The following KCND3 variants were observed in gnomAD, a reference collection of about 807,000 sequenced individuals.
KCND3 encodes potassium voltage-gated channel subfamily D member 3, also known as A-type voltage-gated potassium channel KCND3.
Under a neutral mutation model 51.1 loss-of-function variants are expected in KCND3, and 9 were observed. The observed-to-expected ratio is 0.18, with a 90% confidence interval of 0.11 to 0.31. The LOEUF (loss-of-function observed/expected upper bound fraction) is 0.31, where lower values mean the gene tolerates loss of function less well. Ranked by LOEUF, KCND3 falls within the 10% of genes least tolerant of loss-of-function variation. The probability of loss-of-function intolerance (pLI) is 1.00; values close to 1 mark genes in which losing one functional copy is unlikely to be tolerated. For missense variants in KCND3, 526 were observed against 903.8 expected (o/e 0.58, Z 5.36); for synonymous variants, 349 against 368.0 (o/e 0.95, Z 0.59).
chr1:111,866,263 CTTTTTTT>C lies in KCND3; in HGVS notation c.1107-79164_1107-79158del, dbSNP rs11399761. On this transcript the variant is annotated intron_variant, in intron 2 of 7. Coordinates refer to ENST00000302127, the MANE Select transcript of KCND3 (RefSeq NM_001378969.1). ...CTTCTTTCTTTCTTTCTTTTCTTTT[CTTTTTTT>C]TTTTTTTTTTGACAAGGTCTGGCTC... Among the ~76,000 whole-genome samples the C allele has an allele frequency of 3.7e-4, 20 of 54,256 alleles. 1 individual carries two copies. Among genetic ancestry groups the C allele is most frequent in the African/African-American group, 8.3e-4 (18 of 21,788 alleles). 35.6% of individuals were successfully genotyped at this position (54,256 alleles called of 152,430 possible).
At chr1:111,821,970 A>G (rs1473184067) in intron 2 of KCND3, among the ~76,000 whole-genome samples, 1 of 151,998 alleles carries the variant, frequency 6.6e-6, no homozygotes, top group Non-Finnish European at 1.5e-5. Flanking sequence ...GGCAATTATA[A>G]GCAATACTCT....
At chr1:111,853,604 C>A (rs970587641) in intron 2 of KCND3, among the ~76,000 whole-genome samples, 1 of 152,206 alleles carries the variant, frequency 6.6e-6, no homozygotes, top group African/African-American at 2.4e-5. Context: ...TCATAACACT[C>A]ATTATCTTTT....
intron 2 of KCND3, among the ~76,000 whole-genome samples, chr1:111,855,014 C>T (rs1421376461): frequency 1.3e-5 from 2 of 152,200 alleles, no homozygotes; most frequent in African/African-American, 2.4e-5. Flanking sequence ...TCTGTGGCTT[C>T]GTCAGTCCTG....
intron 2 of KCND3, among the ~76,000 whole-genome samples, chr1:111,879,362 T>G (rs1226341496): frequency 6.6e-6 from 1 of 152,200 alleles, no homozygotes; most frequent in Non-Finnish European, 1.5e-5. Flanking sequence ...TCAAAGTGTT[T>G]ACATTCTTGC....
intron 2 of KCND3, among the ~76,000 whole-genome samples, chr1:111,806,498 T>G (rs567089369): frequency 6.6e-6 from 1 of 152,364 alleles, no homozygotes; most frequent in African/African-American, 2.4e-5. Flanking sequence ...TTTTAACCAT[T>G]GTTTTCTCAT....
rs1663889347 is a variant in KCND3, at chr1:111,770,903, C to A, written c.*5174G>T. The A allele has an allele frequency of 6.6e-6, 1 of 151,930 alleles. No homozygotes were observed. The highest frequency in any genetic ancestry group is 2.4e-5 in the African/African-American group (1 of 41,350). 9.4% of individuals were successfully genotyped at this position (151,930 alleles called of 1,614,324 possible). On this transcript the variant is annotated 3_prime_UTR_variant, in exon 8 of 8. Coordinates refer to ENST00000302127, the MANE Select transcript of KCND3 (RefSeq NM_001378969.1). The stretch of plus-strand genomic sequence containing the variant: ...GCCATTGTGATGTTGATAAGCAAAG[C>A]CCATTTATTATACGAAAATAGAAAA...
chr1:111,804,030 T>C (rs1051404743), intron 2 of KCND3, among the ~76,000 whole-genome samples: 4 of 152,196 alleles, frequency 2.6e-5, no homozygotes, highest in African/African-American at 9.7e-5. Context: ...ATAGCGCTTA[T>C]AGAAGGGCAG....
chr1:111,824,727 T>C (rs1012514480), intron 2 of KCND3, among the ~76,000 whole-genome samples: 1 of 152,244 alleles, frequency 6.6e-6, no homozygotes, highest in Non-Finnish European at 1.5e-5. Flanking sequence ...ACCAGATCAC[T>C]GCATCCAGAC....
At chr1:111,848,228 C>A (rs1177120148) in intron 2 of KCND3, among the ~76,000 whole-genome samples, 2 of 152,204 alleles carry the variant, frequency 1.3e-5, no homozygotes, top group Non-Finnish European at 2.9e-5. Flanking sequence ...GGATCTTGGG[C>A]ATGACAAAGG....
At chr1:111,899,146 G>T (rs1670264482) in intron 2 of KCND3, among the ~76,000 whole-genome samples, 1 of 152,034 alleles carries the variant, frequency 6.6e-6, no homozygotes, top group South Asian at 2.1e-4. Context: ...TGACTACAAG[G>T]GTCACTATCA....
At chr1:111,846,363 T>A (rs1197781778) in intron 2 of KCND3, among the ~76,000 whole-genome samples, 5 of 152,216 alleles carry the variant, frequency 3.3e-5, no homozygotes, top group Non-Finnish European at 7.3e-5. Context: ...TCTTCCCTGA[T>A]GTTACTTTCC....
chr1:111,988,370 CTT>C (rs1223790098), intron 1 of KCND3, among the ~76,000 whole-genome samples: 1 of 152,148 alleles, frequency 6.6e-6, no homozygotes, highest in African/African-American at 2.4e-5. Flanking sequence ...TTCCTGAACT[CTT>C]TTTCTCCAGC....
chr1:111,790,288 G>GC (rs1664773425), intron 2 of KCND3, among the ~76,000 whole-genome samples: 1 of 152,156 alleles, frequency 6.6e-6, no homozygotes, highest in Non-Finnish European at 1.5e-5. Context: ...CAGGGTTGTT[G>GC]CGATAATTAA....
Position 111,799,980 on chromosome 1 carries a change from G to A in KCND3, c.1107-12874C>T, listed in dbSNP as rs1021052621. On this transcript the variant is annotated intron_variant, in intron 2 of 7. Transcript: ENST00000302127. The stretch of plus-strand genomic sequence containing the variant: ...CGGGAGGTGAGGGGCGCCTCTGCCC[G>A]GCCGCCCCTACTGGGAAGTGAGGAG... Among the ~76,000 whole-genome samples, 49 of 151,946 alleles carry A rather than the reference G, an allele frequency of 3.2e-4. 1 individual carries two copies. The highest frequency in any genetic ancestry group is 6.5e-4 in the African/African-American group (27 of 41,364).
chr1:111,830,884 T>C (rs994878166), intron 2 of KCND3, among the ~76,000 whole-genome samples: 1 of 152,264 alleles, frequency 6.6e-6, no homozygotes, highest in Non-Finnish European at 1.5e-5. Context: ...ACCCTACATA[T>C]TCCACAGAAA....
chr1:111,881,731 G>T (rs1334473056), intron 2 of KCND3, among the ~76,000 whole-genome samples: 1 of 152,112 alleles, frequency 6.6e-6, no homozygotes, highest in Non-Finnish European at 1.5e-5. Context: ...CCCTCTCTGG[G>T]CCTCAGTTCC....
intron 2 of KCND3, among the ~76,000 whole-genome samples, chr1:111,947,314 G>A (rs1672824435): frequency 6.6e-6 from 1 of 152,194 alleles, no homozygotes. Flanking sequence ...CACCATTCCA[G>A]GTGCTAGGGA....
At chr1:111,842,170 C>T (rs1244774110) in intron 2 of KCND3, among the ~76,000 whole-genome samples, 1 of 152,134 alleles carries the variant, frequency 6.6e-6, no homozygotes, top group Non-Finnish European at 1.5e-5. Context: ...TCTTGATAAA[C>T]ACGGCATTCG....
chr1:111,798,891 T>C (rs965693555), intron 2 of KCND3, among the ~76,000 whole-genome samples: 1 of 151,872 alleles, frequency 6.6e-6, no homozygotes, highest in Non-Finnish European at 1.5e-5. Flanking sequence ...GGAATCTATC[T>C]CACCTCCAAT....
Sources: gnomAD v4.1 joint callset for allele counts (sites outside exome capture counted in the v4.1 genomes callset) on GRCh38, gnomAD v4.1.1 for gene constraint, MANE v1.5 for transcripts, NCBI Gene and HGNC (gene_info 2026-07-23, HGNC 2026-07-21) for gene names.